NPEPPS: variants seen among roughly 807,000 people sequenced by gnomAD.
NPEPPS encodes the protein aminopeptidase puromycin sensitive.
Under a neutral mutation model 115.5 loss-of-function variants are expected in NPEPPS, and 14 were observed. That is an observed-to-expected ratio of 0.12 (90% CI 0.08 to 0.19). The LOEUF (loss-of-function observed/expected upper bound fraction) is 0.19, where lower values mean the gene tolerates loss of function less well. Ranked by LOEUF, NPEPPS falls within the 10% of genes least tolerant of loss-of-function variation. The pLI is 1.00. For synonymous variants in NPEPPS, 285 were observed against 390.6 expected (o/e 0.73, Z 3.19); for missense variants, 523 against 1,110.8 (o/e 0.47, Z 7.52).
At chr17:47,579,930 C>CGTGTGTGTGTGTGTGT (rs10591746) in intron 4 of NPEPPS, 27 of 146,338 alleles carry the variant, frequency 1.8e-4, no homozygotes, top group African/African-American at 6.7e-4. Context: ...TTTTTTTCTC[C>CGTGTGTGTGTGTGTGT]GTGTGTGTGT....
intron 1 of NPEPPS, among the ~76,000 whole-genome samples, chr17:47,534,039 C>T (rs186695531): frequency 1.5e-3 from 221 of 151,840 alleles, no homozygotes; most frequent in African/African-American, 5.1e-3. Context: ...TAGAGCAATA[C>T]GTTTAAATTG....
At position 47,566,656 on chromosome 17, in the gene NPEPPS, C is replaced by T. The variant is rs143340293; in HGVS notation, c.341-2761C>T. The stretch of plus-strand genomic sequence containing the variant: ...CTGAGATAACAGGCATGCACCACCA[C>T]GCATGATCCACCCACCTCGGCCTCC... On this transcript the variant is annotated intron_variant, in intron 2 of 22. Coordinates refer to ENST00000322157, the MANE Select transcript of NPEPPS (RefSeq NM_006310.4). Among the ~76,000 whole-genome samples, 418 of 151,830 alleles carry T rather than the reference C, an allele frequency of 2.8e-3. 2 individuals carry two copies. The highest frequency in any genetic ancestry group is 9.8e-3 in the African/African-American group (405 of 41,466).
Position 47,622,031 on chromosome 17 carries a change from G to A in NPEPPS, c.*111G>A. The A allele has an allele frequency of 7.2e-7, 1 of 1,391,164 alleles. No homozygotes were observed. The highest frequency in any genetic ancestry group is 9.4e-7 in the Non-Finnish European group (1 of 1,064,398). The allele number at this position is 1,391,164 out of a possible 1,614,324, so 86.2% of individuals were successfully genotyped here. A position where few individuals can be genotyped will look rare whatever the true frequency, so the allele number is the denominator to read the frequency against. Reference sequence around the variant, plus strand: ...ATTTGGAGTCTTCTTTCAAACCAGTGGGGGTTGGACAATGAATGTAGTTAA... The same window carrying A: ...ATTTGGAGTCTTCTTTCAAACCAGTAGGGGTTGGACAATGAATGTAGTTAA... On this transcript the variant is annotated 3_prime_UTR_variant, in exon 23 of 23. Transcript: ENST00000322157.
chr17:47,532,154 C>G (rs1379135067), intron 1 of NPEPPS, among the ~76,000 whole-genome samples: 1 of 152,060 alleles, frequency 6.6e-6, no homozygotes, highest in Non-Finnish European at 1.5e-5. Context: ...CCCGCCTGCT[C>G]CAGCCCAGGG....
At chr17:47,579,916 AT>A (rs1028074374) in intron 4 of NPEPPS, 298 of 121,398 alleles carry the variant, frequency 2.5e-3, no homozygotes, top group African/African-American at 6.1e-3. Flanking sequence ...GCTGTCTTTG[AT>A]TTTTTTTTTC....
Position 47,611,639 on chromosome 17 carries a change from ATTATTAAGTTTT to A in NPEPPS, c.2096-818_2096-807del, listed in dbSNP as rs1444919403. Among the ~76,000 whole-genome samples, 7 of 151,670 alleles carry A rather than the reference ATTATTAAGTTTT, an allele frequency of 4.6e-5. 1 individual carries two copies. Among genetic ancestry groups the A allele is most frequent in the Admixed American group, 4.6e-4 (7 of 15,212 alleles). On this transcript the variant is annotated intron_variant, in intron 17 of 22. Transcript: ENST00000322157. The stretch of plus-strand genomic sequence containing the variant: ...AGACATATGCTACCATGCTTGGTTA[ATTATTAAGTTTT>A]TTGTAGAAACAGGGTCTTGCTGTGT...
At position 47,605,941 on chromosome 17, in the gene NPEPPS, G is replaced by A. The variant is rs180727634; in HGVS notation, c.2095+389G>A. On this transcript the variant is annotated intron_variant, in intron 17 of 22. Transcript: ENST00000322157. Reference sequence around the variant, plus strand: ...TGCCTAGGCTGGAGTGCAATGGCGCGATCTCGGCTCACCGCAACCTCCGCT... The same window carrying A: ...TGCCTAGGCTGGAGTGCAATGGCGCAATCTCGGCTCACCGCAACCTCCGCT... 2.0e-3 allele frequency among the ~76,000 whole-genome samples: 309 copies of A among 152,186 alleles called. 1 individual carries two copies. Among genetic ancestry groups the A allele is most frequent in the African/African-American group, 7.2e-3 (297 of 41,536 alleles).
chr17:47,594,297 C>T (rs186030843), intron 12 of NPEPPS, among the ~76,000 whole-genome samples: 1 of 152,188 alleles, frequency 6.6e-6, no homozygotes, highest in Admixed American at 6.5e-5. Flanking sequence ...TACACTTAGG[C>T]TACACTGAAT....
intron 1 of NPEPPS, among the ~76,000 whole-genome samples, chr17:47,538,944 ACTT>A (rs1908547709): frequency 6.6e-6 from 1 of 152,030 alleles, no homozygotes; most frequent in Non-Finnish European, 1.5e-5. Flanking sequence ...ATTTTACTGA[ACTT>A]CATCTGAAGA....
intron 13 of NPEPPS, among the ~76,000 whole-genome samples, chr17:47,599,116 C>A (rs900946740): frequency 3.9e-5 from 6 of 152,120 alleles, no homozygotes; most frequent in Non-Finnish European, 8.8e-5. Context: ...TTTACATTCC[C>A]CAAATTTAAA....
At chr17:47,589,288 CT>C (rs1912369053) in intron 9 of NPEPPS, among the ~76,000 whole-genome samples, 1 of 152,140 alleles carries the variant, frequency 6.6e-6, no homozygotes, top group Non-Finnish European at 1.5e-5. Context: ...TGGGATCTCA[CT>C]TTGTCACCCA....
At chr17:47,552,659 G>C (rs1278276847) in intron 2 of NPEPPS, among the ~76,000 whole-genome samples, 1 of 152,112 alleles carries the variant, frequency 6.6e-6, no homozygotes, top group Non-Finnish European at 1.5e-5. Flanking sequence ...AAGGTGATAT[G>C]GATTGCTTTA....
intron 14 of NPEPPS, among the ~76,000 whole-genome samples, chr17:47,601,322 C>T (rs1308305955): frequency 6.6e-6 from 1 of 151,872 alleles, no homozygotes; most frequent in Non-Finnish European, 1.5e-5. Context: ...TGTCTTTGCT[C>T]TCTAGGGGGA....
chr17:47,581,494 C>T (rs1911869897), intron 4 of NPEPPS: 1 of 152,148 alleles, frequency 6.6e-6, no homozygotes, highest in South Asian at 2.1e-4. Flanking sequence ...ATCTTGTTAT[C>T]TATGTCATTA....
chr17:47,619,125 C>A lies in NPEPPS; in HGVS notation c.2520C>A (p.Asn840Lys). 1 of 1,613,832 alleles carries A rather than the reference C, an allele frequency of 6.2e-7. No individual in the cohort carries two copies. Among genetic ancestry groups the A allele is most frequent in the Non-Finnish European group, 8.5e-7 (1 of 1,179,816 alleles). ...FIKDNWEELY[N>K]RYQGGFLISR... is the part of the protein sequence containing the mutation. ...AGGACAACTGGGAAGAACTTTATAA[C>A]CGATACCAGGGAGGATTCTTAATAT... The change falls in exon 21 of 23, where the codon AAC becomes AAA. Residue 840 changes from asparagine to lysine, a missense_variant. By Grantham distance (94) the Asn-to-Lys change is moderately conservative. Around this residue, in one of 4 missense-constraint regions of NPEPPS, gnomAD observed 372 missense variants for 542.6 expected, o/e 0.69. Transcript: ENST00000322157.
At chr17:47,538,496 G>A (rs1908497003) in intron 1 of NPEPPS, among the ~76,000 whole-genome samples, 1 of 148,578 alleles carries the variant, frequency 6.7e-6, no homozygotes, top group Non-Finnish European at 1.5e-5. Context: ...TTACAGGCAT[G>A]AACCACCGCG....
chr17:47,597,246 A>G (rs1411925793), intron 13 of NPEPPS, among the ~76,000 whole-genome samples: 3 of 152,188 alleles, frequency 2.0e-5, no homozygotes, highest in Admixed American at 6.5e-5. Flanking sequence ...GCAATTCATT[A>G]ATTGAACTGT....
intron 9 of NPEPPS, among the ~76,000 whole-genome samples, chr17:47,589,020 ATCC>A (rs1192351090): frequency 2.6e-5 from 4 of 152,308 alleles, no homozygotes; most frequent in African/African-American, 9.6e-5. Flanking sequence ...GGCTCAAGCA[ATCC>A]TCCTGTCTCT....
intron 1 of NPEPPS, among the ~76,000 whole-genome samples, chr17:47,539,966 A>G (rs2644351): frequency 6.6e-6 from 1 of 152,130 alleles, no homozygotes; most frequent in South Asian, 2.1e-4. Context: ...TTTTACTGAA[A>G]TCTCAGGACA....
Sources: allele counts gnomAD v4.1 joint callset (sites outside exome capture counted in the v4.1 genomes callset), GRCh38; gene constraint gnomAD v4.1.1; regional missense constraint gnomAD v4.1.1; transcripts MANE v1.5; gene names NCBI Gene and HGNC (gene_info 2026-07-23, HGNC 2026-07-21).